CDC123: variants seen among roughly 807,000 people sequenced by gnomAD.
CDC123 encodes cell division cycle 123.
Under a neutral mutation model 54.4 loss-of-function variants are expected in CDC123, and 37 were observed. That is an observed-to-expected ratio of 0.68 (90% CI 0.52 to 0.89). The LOEUF (loss-of-function observed/expected upper bound fraction) is 0.89, where lower values mean the gene tolerates loss of function less well. Ranked by LOEUF, CDC123 falls within the 40% of genes least tolerant of loss-of-function variation. CDC123 has a pLI of 0.00. For missense variants in CDC123, 361 were observed against 412.1 expected, an observed-to-expected ratio of 0.88 and a Z score of 1.07; for synonymous variants, 144 against 136.8, an observed-to-expected ratio of 1.05 and a Z score of -0.37.
chr10:12,244,617 A>C (rs1010343726), intron 10 of CDC123: 7 of 145,596 alleles, frequency 4.8e-5, no homozygotes, highest in Non-Finnish European at 1.1e-4. Flanking sequence ...TTTCTTTCAG[A>C]GGTTGGGGTG....
intron 10 of CDC123, among the ~76,000 whole-genome samples, chr10:12,242,559 A>T (rs1218199388): frequency 6.6e-6 from 1 of 152,194 alleles, no homozygotes; most frequent in Non-Finnish European, 1.5e-5. Context: ...AGCTGGTACA[A>T]GGACAGTTAG....
intron 2 of CDC123, among the ~76,000 whole-genome samples, chr10:12,200,156 T>A (rs1473657388): frequency 7.8e-6 from 1 of 128,064 alleles, no homozygotes; most frequent in Non-Finnish European, 1.6e-5. Flanking sequence ...AGATGGAGTC[T>A]TGCTCTGTCA....
chr10:12,216,308 C>T (rs1835663551), intron 5 of CDC123, among the ~76,000 whole-genome samples: 1 of 152,132 alleles, frequency 6.6e-6, no homozygotes, highest in Admixed American at 6.5e-5. Context: ...TGGAAAAATC[C>T]GTTAGTTGTT....
At position 12,210,281 on chromosome 10, in the gene CDC123, T is replaced by C; in HGVS notation, c.205-9T>C. 1 of 1,614,052 alleles carries C rather than the reference T, an allele frequency of 6.2e-7. No individual in the cohort carries two copies. The highest frequency in any genetic ancestry group is 1.1e-5 in the South Asian group (1 of 91,040). On this transcript the variant is annotated splice_polypyrimidine_tract_variant and intron_variant, in intron 3 of 12. Transcript: ENST00000281141. ...TTAATGTTTTATTTTTTTCCTCTTT[T>C]TCATGCAGTGGTCTGATGATGAGAA...
At chr10:12,229,442 C>A (rs538198627) in intron 6 of CDC123, among the ~76,000 whole-genome samples, 1 of 152,312 alleles carries the variant, frequency 6.6e-6, no homozygotes, top group South Asian at 2.1e-4. Flanking sequence ...GTCCTGCACT[C>A]CATCAGAGCT....
chr10:12,207,568 G>A (rs933291514), intron 2 of CDC123, among the ~76,000 whole-genome samples: 1 of 152,120 alleles, frequency 6.6e-6, no homozygotes, highest in African/African-American at 2.4e-5. Context: ...TGCAAACTTT[G>A]TGTACCTGGG....
intron 4 of CDC123, among the ~76,000 whole-genome samples, chr10:12,211,857 C>A (rs564272973): frequency 6.6e-6 from 1 of 152,120 alleles, no homozygotes; most frequent in South Asian, 2.1e-4. Context: ...GCCTGTAATT[C>A]CAGCACTTTG....
At chr10:12,204,042 A>G (rs912720063) in intron 2 of CDC123, among the ~76,000 whole-genome samples, 8 of 150,302 alleles carry the variant, frequency 5.3e-5, no homozygotes, top group East Asian at 3.9e-4. Flanking sequence ...GCAGTGAGCT[A>G]TGATCATGCC....
chr10:12,241,969 C>CTTT (rs147105908), intron 10 of CDC123, among the ~76,000 whole-genome samples: 16 of 151,990 alleles, frequency 1.1e-4, no homozygotes, highest in Non-Finnish European at 2.2e-4. Context: ...TCTTCGGGTT[C>CTTT]TTGTTTCTGG....
chr10:12,202,488 A>C (rs561288452), intron 2 of CDC123, among the ~76,000 whole-genome samples: 293 of 152,040 alleles, frequency 1.9e-3, no homozygotes, highest in Non-Finnish European at 3.0e-3. Context: ...AGGGTCCTCC[A>C]GTCCAATTCA....
At chr10:12,203,307 AGTT>A (rs1835468093) in intron 2 of CDC123, among the ~76,000 whole-genome samples, 1 of 152,232 alleles carries the variant, frequency 6.6e-6, no homozygotes, top group African/African-American at 2.4e-5. Flanking sequence ...TCTTGTTTAC[AGTT>A]AGAATTTAGC....
At position 12,202,709 on chromosome 10, in the gene CDC123, C is replaced by T. The variant is rs991615901; in HGVS notation, c.146+3933C>T. Among the ~76,000 whole-genome samples, 3 of 152,306 alleles carry T rather than the reference C, an allele frequency of 2.0e-5. No homozygotes were observed. The South Asian group carries it at 6.2e-4, about 32-fold the overall frequency. On this transcript the variant is annotated intron_variant, in intron 2 of 12. Coordinates refer to ENST00000281141, the MANE Select transcript of CDC123 (RefSeq NM_006023.3). ...GAGGGAAACATTTACTTCGGTTTAC[C>T]GGTTTATCATAAAGGATGTTACAGC...
chr10:12,236,207 G>T (rs1004195108), intron 8 of CDC123, among the ~76,000 whole-genome samples: 2 of 152,240 alleles, frequency 1.3e-5, no homozygotes, highest in African/African-American at 4.8e-5. Context: ...AGCAGCAGCA[G>T]TTGATTATGT....
intron 11 of CDC123, among the ~76,000 whole-genome samples, chr10:12,248,863 A>G (rs1836196041): frequency 6.6e-6 from 1 of 151,854 alleles, no homozygotes; most frequent in African/African-American, 2.4e-5. Flanking sequence ...TAATCCCAGC[A>G]CTTTGGGAGG....
Position 12,237,008 on chromosome 10 carries a change from G to C in CDC123, c.566-136G>C, listed in dbSNP as rs563353946. Reference sequence around the variant, plus strand: ...TCATATGAATCCTTACAGCTGGGTCGTGTGTAATGCCGTACCCATCAGGGT... The same window carrying C: ...TCATATGAATCCTTACAGCTGGGTCCTGTGTAATGCCGTACCCATCAGGGT... On this transcript the variant is annotated intron_variant, in intron 8 of 12. Transcript: ENST00000281141. 16 of 948,772 alleles carry C rather than the reference G, an allele frequency of 1.7e-5. No homozygotes were observed. The South Asian group carries it at 5.2e-4, about 31-fold the overall frequency. 58.8% of individuals were successfully genotyped at this position (948,772 alleles called of 1,614,324 possible).
chr10:12,209,163 T>G (rs1835562118), intron 2 of CDC123, among the ~76,000 whole-genome samples: 1 of 152,182 alleles, frequency 6.6e-6, no homozygotes, highest in Non-Finnish European at 1.5e-5. Flanking sequence ...CTTTCCCTTG[T>G]TTTTAATGAT....
chr10:12,206,552 C>T (rs1245456877), intron 2 of CDC123, among the ~76,000 whole-genome samples: 3 of 152,226 alleles, frequency 2.0e-5, no homozygotes, highest in African/African-American at 4.8e-5. Context: ...TGGCTCATGC[C>T]TGTAATCCCA....
At chr10:12,198,981 G>A (rs1835401696) in intron 2 of CDC123, 1 of 432,376 alleles carries the variant, frequency 2.3e-6, no homozygotes, top group Non-Finnish European at 4.1e-6. Flanking sequence ...ATTACAAGTT[G>A]TGAAATTGAG....
At position 12,233,588 on chromosome 10, in the gene CDC123, C is replaced by CTA. The variant is rs773517491; in HGVS notation, c.490-1447_490-1446dup. On this transcript the variant is annotated intron_variant, in intron 7 of 12. Coordinates refer to ENST00000281141, the MANE Select transcript of CDC123 (RefSeq NM_006023.3). ...TGTTGCTAAGTAAAACCACTGTAGCCTATATATATATATAAAATGTATAAA... is the reference window on the plus strand; with the variant it reads ...TGTTGCTAAGTAAAACCACTGTAGCCTATATATATATATATAAAATGTATAAA... Among the ~76,000 whole-genome samples the CTA allele has an allele frequency of 2.8e-3, 422 of 150,904 alleles. 1 individual carries two copies. The highest frequency in any genetic ancestry group is 5.6e-3 in the African/African-American group (232 of 41,154).
Sources: gnomAD v4.1 joint callset for allele counts (sites outside exome capture counted in the v4.1 genomes callset) on GRCh38, gnomAD v4.1.1 for gene constraint, MANE v1.5 for transcripts, NCBI Gene and HGNC (gene_info 2026-07-23, HGNC 2026-07-21) for gene names.